Variants in FAT3 observed in about 807,000 individuals in gnomAD.
FAT3 encodes FAT atypical cadherin 3, also known as protocadherin Fat 3.
In FAT3, 95 loss-of-function variants were observed where a neutral mutation model predicts 310.2. The ratio of observed to expected loss-of-function variants is 0.31; its 90% CI spans 0.26 to 0.36. The LOEUF is 0.36. FAT3 is among the 10% of genes least tolerant of loss of function. The probability of loss-of-function intolerance (pLI) is 1.00; values close to 1 mark genes in which losing one functional copy is unlikely to be tolerated. For synonymous variants in FAT3, 2,314 were observed against 2,192.9 expected, an observed-to-expected ratio of 1.06 and a Z score of -1.54; for missense variants, 5,408 against 5,715.6, an observed-to-expected ratio of 0.95 and a Z score of 1.74.
At chr11:92,554,887 G>T (rs1954961853) in intron 3 of FAT3, among the ~76,000 whole-genome samples, 1 of 152,286 alleles carries the variant, frequency 6.6e-6, no homozygotes, top group African/African-American at 2.4e-5. Flanking sequence ...ATCCTGCCGT[G>T]TCTGCTGCAC....
intron 3 of FAT3, among the ~76,000 whole-genome samples, chr11:92,531,851 C>A (rs935769871): frequency 6.6e-6 from 1 of 151,934 alleles, no homozygotes; most frequent in East Asian, 1.9e-4. Context: ...TCACATAATT[C>A]TTCGTCGTGG....
intron 22 of FAT3, among the ~76,000 whole-genome samples, chr11:92,876,065 C>T (rs940771447): frequency 9.9e-5 from 15 of 152,110 alleles, no homozygotes; most frequent in African/African-American, 3.4e-4. Flanking sequence ...CCCCCAGGTG[C>T]TTCTGATGTA....
intron 7 of FAT3, among the ~76,000 whole-genome samples, chr11:92,779,556 A>G (rs1269274424): frequency 6.6e-6 from 1 of 152,164 alleles, no homozygotes; most frequent in African/African-American, 2.4e-5. Context: ...GTTTACATAT[A>G]TTTATCCTCA....
At chr11:92,624,429 G>C (rs1460512835) in intron 3 of FAT3, among the ~76,000 whole-genome samples, 1 of 152,150 alleles carries the variant, frequency 6.6e-6, no homozygotes, top group Non-Finnish European at 1.5e-5. Context: ...GGCATGTTTA[G>C]ACTAAGGACA....
chr11:92,874,139 C>T (rs928524591), intron 22 of FAT3, among the ~76,000 whole-genome samples: 2 of 151,954 alleles, frequency 1.3e-5, no homozygotes, highest in Non-Finnish European at 2.9e-5. Context: ...GAAAAAAAAT[C>T]AATTTTTTAA....
At chr11:92,495,855 C>T (rs749521801) in intron 2 of FAT3, among the ~76,000 whole-genome samples, 4 of 152,070 alleles carry the variant, frequency 2.6e-5, no homozygotes, top group Admixed American at 2.0e-4. Context: ...GTGTGAGCTA[C>T]ATGGGCTGGA....
At chr11:92,436,071 C>A (rs553018512) in intron 2 of FAT3, among the ~76,000 whole-genome samples, 1 of 152,050 alleles carries the variant, frequency 6.6e-6, no homozygotes, top group South Asian at 2.1e-4. Context: ...GCCAGAAGGG[C>A]TCTTTATTCT....
chr11:92,277,772 G>A (rs556570664), intron 1 of FAT3, among the ~76,000 whole-genome samples: 1 of 151,910 alleles, frequency 6.6e-6, no homozygotes, highest in Non-Finnish European at 1.5e-5. Flanking sequence ...CCTGAGTGAC[G>A]GGGTCACTTG....
intron 4 of FAT3, among the ~76,000 whole-genome samples, chr11:92,750,437 C>T (rs781177047): frequency 6.6e-6 from 1 of 152,152 alleles, no homozygotes; most frequent in Non-Finnish European, 1.5e-5. Context: ...ATTCTAGAAT[C>T]TGGCAACATA....
intron 3 of FAT3, among the ~76,000 whole-genome samples, chr11:92,610,250 T>C (rs576410876): frequency 3.3e-5 from 5 of 152,310 alleles, no homozygotes; most frequent in East Asian, 3.9e-4. Context: ...ATCTAGCCGA[T>C]GTATAGCTTT....
intron 21 of FAT3, 91 bp from the exon 22 acceptor site, chr11:92,866,650 G>A: frequency 8.5e-7 from 1 of 1,174,238 alleles, no homozygotes; most frequent in South Asian, 1.6e-5. Flanking sequence ...CAGCTTTCTT[G>A]TGAAGCCCCC....
intron 2 of FAT3, among the ~76,000 whole-genome samples, chr11:92,398,456 A>G (rs897566871): frequency 1.2e-4 from 17 of 143,264 alleles, no homozygotes; most frequent in Admixed American, 1.1e-3. Flanking sequence ...AGCTGGGATG[A>G]TGCCATTGTA....
intron 1 of FAT3, among the ~76,000 whole-genome samples, chr11:92,291,251 C>G (rs1946685907): frequency 6.6e-6 from 1 of 152,084 alleles, no homozygotes. Context: ...TGAGGTATCT[C>G]AAGCACTCTA....
intron 2 of FAT3, among the ~76,000 whole-genome samples, chr11:92,359,332 A>G (rs1378233693): frequency 6.6e-6 from 1 of 152,122 alleles, no homozygotes; most frequent in Non-Finnish European, 1.5e-5. Flanking sequence ...ATCTTTTATT[A>G]TTTATTAGTG....
chr11:92,837,230 A>G (rs1948430557), intron 16 of FAT3, among the ~76,000 whole-genome samples: 1 of 152,244 alleles, frequency 6.6e-6, no homozygotes, highest in African/African-American at 2.4e-5. Flanking sequence ...GATAGACTCT[A>G]CTGGGTGATA....
chr11:92,478,936 C>CT (rs1952126907), intron 2 of FAT3, among the ~76,000 whole-genome samples: 2 of 88,474 alleles, frequency 2.3e-5, no homozygotes, highest in African/African-American at 4.3e-5. Flanking sequence ...CTTTCCTTCT[C>CT]TTTCTTTCTT....
chr11:92,356,709 G>A (rs961926957), intron 2 of FAT3, among the ~76,000 whole-genome samples: 1 of 152,108 alleles, frequency 6.6e-6, no homozygotes, highest in Admixed American at 6.6e-5. Flanking sequence ...TCACATAGGG[G>A]GTTAGGGCTT....
chr11:92,830,733 A>G (rs749366465), intron 13 of FAT3, among the ~76,000 whole-genome samples: 17 of 152,048 alleles, frequency 1.1e-4, no homozygotes, highest in African/African-American at 2.2e-4. Flanking sequence ...TCCCCATCTC[A>G]GCTAATGACA....
chr11:92,763,093 A>G (rs1946202982), intron 5 of FAT3, among the ~76,000 whole-genome samples: 1 of 151,578 alleles, frequency 6.6e-6, no homozygotes, highest in Non-Finnish European at 1.5e-5. Flanking sequence ...CGGGAGGCAG[A>G]GGTTGCAGTG....
Sources: allele counts gnomAD v4.1 joint callset (sites outside exome capture counted in the v4.1 genomes callset), GRCh38; gene constraint gnomAD v4.1.1; transcripts MANE v1.5; gene names NCBI Gene and HGNC (gene_info 2026-07-23, HGNC 2026-07-21).